The following PACRGL variants were observed in gnomAD, a reference collection of about 807,000 sequenced individuals.
PACRGL encodes PACRG-like protein.
A neutral mutation model predicts 34.5 loss-of-function variants in PACRGL; 38 were observed. That is an observed-to-expected ratio of 1.10 (90% confidence interval 0.85 to 1.44). PACRGL has a LOEUF of 1.44. Among genes scored for constraint, PACRGL ranks in the 40% most tolerant of loss-of-function variants. The pLI is 0.00. For missense variants in PACRGL, 305 were observed against 281.4 expected, an observed-to-expected ratio of 1.08 and a Z score of -0.60; for synonymous variants, 128 against 100.1, an observed-to-expected ratio of 1.28 and a Z score of -1.66.
downstream of PACRGL, among the ~76,000 whole-genome samples, chr4:20,733,003 CTT>C (rs1027673472): frequency 2.4e-4 from 36 of 152,134 alleles, no homozygotes; most frequent in African/African-American, 7.7e-4. Flanking sequence ...ATTCTGATCT[CTT>C]GGTTTCAAAA....
At chr4:20,699,370 G>C (rs919103808), upstream of PACRGL, among the ~76,000 whole-genome samples, 1 of 152,118 alleles carries the variant, frequency 6.6e-6, no homozygotes, top group Non-Finnish European at 1.5e-5. Flanking sequence ...TTAAAACTTA[G>C]ATTTGTATGC....
chr4:20,701,291 G>C (rs887501540), intron 1 of PACRGL, among the ~76,000 whole-genome samples: 23 of 152,098 alleles, frequency 1.5e-4, no homozygotes, highest in African/African-American at 5.3e-4. Flanking sequence ...CACAGATACC[G>C]GCAGTCCCTT....
chr4:20,702,717 T>A (rs10516360), intron 1 of PACRGL: 18,316 of 152,642 alleles, frequency 0.12, 1,270 homozygotes, highest in South Asian at 0.19. Flanking sequence ...TAAATACTTG[T>A]TGAATGATCA....
At chr4:20,753,611 G>A (rs900197821), downstream of PACRGL, among the ~76,000 whole-genome samples, 1 of 152,078 alleles carries the variant, frequency 6.6e-6, no homozygotes, top group Non-Finnish European at 1.5e-5. Context: ...TTGAATTCAA[G>A]CACGAGGAAT....
intron 8 of PACRGL, among the ~76,000 whole-genome samples, chr4:20,741,433 C>G (rs556222578): frequency 3.9e-5 from 6 of 152,212 alleles, no homozygotes; most frequent in Non-Finnish European, 5.9e-5. Context: ...AACTGCACAA[C>G]TACTTGGAAA....
At chr4:20,747,676 A>C (rs10938803) in intron 8 of PACRGL, among the ~76,000 whole-genome samples, 1 of 151,676 alleles carries the variant, frequency 6.6e-6, no homozygotes, top group African/African-American at 2.4e-5. Context: ...TTCTCTTCTC[A>C]GTGCTATTTC....
intron 7 of PACRGL, among the ~76,000 whole-genome samples, chr4:20,721,254 T>C (rs948204383): frequency 6.6e-6 from 1 of 152,170 alleles, no homozygotes; most frequent in Admixed American, 6.5e-5. Context: ...TTTTAGCTTC[T>C]TTGCAATGGG....
intron 7 of PACRGL, among the ~76,000 whole-genome samples, chr4:20,717,091 G>A (rs1266388993): frequency 1.3e-5 from 2 of 152,098 alleles, no homozygotes; most frequent in Non-Finnish European, 2.9e-5. Flanking sequence ...CAGTGATGAT[G>A]AGCATTTTTT....
At chr4:20,755,822 G>T (rs1032393058), downstream of PACRGL, among the ~76,000 whole-genome samples, 1 of 152,086 alleles carries the variant, frequency 6.6e-6, no homozygotes, top group Admixed American at 6.6e-5. Flanking sequence ...AGGTTCAAAG[G>T]CCCAGGAGCA....
intron 3 of PACRGL, 130 bp from the exon 4 acceptor site, chr4:20,707,673 T>G: frequency 1.4e-6 from 1 of 714,326 alleles, no homozygotes; most frequent in East Asian, 2.7e-5. Flanking sequence ...ATTGACAGTT[T>G]TTCTCAACTG....
At chr4:20,738,441 G>A (rs1252414092) in intron 8 of PACRGL, among the ~76,000 whole-genome samples, 1 of 152,162 alleles carries the variant, frequency 6.6e-6, no homozygotes, top group Non-Finnish European at 1.5e-5. Context: ...TGATTCATTA[G>A]GTTGAAGTGG....
chr4:20,762,624 A>G, the PACRGL span, among the ~76,000 whole-genome samples: 1 of 152,250 alleles, frequency 6.6e-6, no homozygotes, highest in Non-Finnish European at 1.5e-5. Flanking sequence ...GCCAGGCTGC[A>G]TGTGCAGCAA....
chr4:20,758,777 T>A, the PACRGL span: 3 of 1,464,388 alleles, frequency 2.0e-6, no homozygotes, highest in Non-Finnish European at 2.9e-6. Flanking sequence ...GCAAGCATAA[T>A]TGTAACTCTG....
chr4:20,752,311 A>G (rs4104367), intron 8 of PACRGL, among the ~76,000 whole-genome samples: 109,653 of 151,898 alleles, frequency 0.72, 39,781 homozygotes, highest in African/African-American at 0.79. Flanking sequence ...AGCCTGCCTC[A>G]GCCTCCCAAA....
At position 20,728,655 on chromosome 4, in the gene PACRGL, AAAATGTGCACATTGAG is replaced by A. The variant is rs2149227770; in HGVS notation, c.*1315_*1330del. On this transcript the variant is annotated 3_prime_UTR_variant, in exon 9 of 9. Transcript: ENST00000503585. ...CTTTTATTTTTTCTTTTTGAAATACAAAATGTGCACATTGAGTTTACACAAACACGTGATGGCAAAT... is the reference window on the plus strand; with the variant it reads ...CTTTTATTTTTTCTTTTTGAAATACATTTACACAAACACGTGATGGCAAAT... 1 of 152,720 alleles carries A rather than the reference AAAATGTGCACATTGAG, an allele frequency of 6.5e-6. No individual in the cohort carries two copies. Among genetic ancestry groups the A allele is most frequent in the South Asian group, 2.1e-4 (1 of 4,810 alleles). The allele number at this position is 152,720 out of a possible 1,614,324, so 9.5% of individuals were successfully genotyped here.
chr4:20,707,173 A>C (rs1282493971), intron 3 of PACRGL, among the ~76,000 whole-genome samples: 1 of 152,174 alleles, frequency 6.6e-6, no homozygotes, highest in Non-Finnish European at 1.5e-5. Flanking sequence ...ATTATATTGA[A>C]ATTATTTATG....
At chr4:20,733,189 G>GA (rs548658730), downstream of PACRGL, among the ~76,000 whole-genome samples, 1 of 152,066 alleles carries the variant, frequency 6.6e-6, no homozygotes, top group Non-Finnish European at 1.5e-5. Flanking sequence ...CGTATATTGA[G>GA]AAAAAACACC....
intron 8 of PACRGL, among the ~76,000 whole-genome samples, chr4:20,748,560 T>TATATATATA (rs1752879061): frequency 1.5e-5 from 1 of 64,910 alleles, no homozygotes; most frequent in African/African-American, 7.0e-5. Context: ...CTTCCAAATT[T>TATATATATA]TATATATATA....
chr4:20,758,376 T>G, the PACRGL span, among the ~76,000 whole-genome samples: 1 of 152,206 alleles, frequency 6.6e-6, no homozygotes, highest in Non-Finnish European at 1.5e-5. Context: ...AACCCAGATC[T>G]GCCACTGAGT....
Sources: gnomAD v4.1 joint callset for allele counts (sites outside exome capture counted in the v4.1 genomes callset) on GRCh38, gnomAD v4.1.1 for gene constraint, MANE v1.5 for transcripts, NCBI Gene and HGNC (gene_info 2026-07-23, HGNC 2026-07-21) for gene names.